RGS9: variants seen among roughly 807,000 people sequenced by gnomAD.
RGS9 encodes regulator of G protein signaling 9.
Under a neutral mutation model 102.0 loss-of-function variants are expected in RGS9, and 78 were observed. The observed-to-expected ratio is 0.76, with a 90% CI of 0.64 to 0.92. The LOEUF (loss-of-function observed/expected upper bound fraction) is 0.92. Ranked by LOEUF, RGS9 falls within the 40% of genes least tolerant of loss-of-function variation. The pLI, the probability that RGS9 is intolerant of heterozygous loss-of-function variation, is 0.00. For synonymous variants in RGS9, 353 were observed against 318.6 expected (o/e 1.11, Z -1.15); for missense variants, 833 against 866.1 (o/e 0.96, Z 0.48).
intron 1 of RGS9, among the ~76,000 whole-genome samples, chr17:65,149,080 G>C (rs551197089): frequency 4.5e-4 from 68 of 151,834 alleles, no homozygotes; most frequent in African/African-American, 1.6e-3. Context: ...TCCTGCCTCA[G>C]CCTCCTGAGT....
Position 65,182,158 on chromosome 17 carries a change from C to A in RGS9, c.654+4355C>A, listed in dbSNP as rs1478931430. On this transcript the variant is annotated intron_variant, in intron 9 of 18. Transcript: ENST00000262406. Reference sequence around the variant, plus strand: ...CTTTTGGTAAAAGGCAGAAATATGGCCTCCCAGTATAAAATACTGTGCTCT... The same window carrying A: ...CTTTTGGTAAAAGGCAGAAATATGGACTCCCAGTATAAAATACTGTGCTCT... Among the ~76,000 whole-genome samples the A allele has an allele frequency of 2.0e-5, 3 of 152,218 alleles. No homozygotes were observed. The South Asian group carries it at 6.2e-4, about 32-fold the overall frequency.
chr17:65,181,566 C>G (rs757963007), intron 9 of RGS9, among the ~76,000 whole-genome samples: 1 of 152,216 alleles, frequency 6.6e-6, no homozygotes. Context: ...AGTGAGTCCT[C>G]TTTTAGCTCC....
intron 8 of RGS9, among the ~76,000 whole-genome samples, chr17:65,176,560 C>T (rs778017476): frequency 1.3e-5 from 2 of 152,182 alleles, no homozygotes; most frequent in Non-Finnish European, 2.9e-5. Flanking sequence ...TCACTTTTCC[C>T]GCCAAGCCCA....
At chr17:65,195,952 C>T (rs1211507660) in intron 12 of RGS9, among the ~76,000 whole-genome samples, 1 of 152,238 alleles carries the variant, frequency 6.6e-6, no homozygotes, top group Non-Finnish European at 1.5e-5. Context: ...CCTACTGAAT[C>T]AGAAACTCTG....
intron 6 of RGS9, among the ~76,000 whole-genome samples, chr17:65,161,490 G>C (rs1024675592): frequency 3.9e-5 from 6 of 152,110 alleles, no homozygotes; most frequent in Admixed American, 1.3e-4. Flanking sequence ...GACCTCAAGT[G>C]ATCTGCCTGC....
At position 65,191,211 on chromosome 17, in the gene RGS9, A is replaced by G. The variant is rs76620463; in HGVS notation, c.746+975A>G. 5.6e-3 allele frequency among the ~76,000 whole-genome samples: 859 copies of G among 152,262 alleles called. 7 individuals are homozygous for G. Among genetic ancestry groups the G allele is most frequent in the African/African-American group, 0.02 (821 of 41,538 alleles). On this transcript the variant is annotated intron_variant, in intron 11 of 18. Coordinates refer to ENST00000262406, the MANE Select transcript of RGS9 (RefSeq NM_003835.4). Reference sequence around the variant, plus strand: ...TTCAGTGATAAACTCAAAACCATTTACTTCCGTGTTCCATAAACCCAGTTT... The same window carrying G: ...TTCAGTGATAAACTCAAAACCATTTGCTTCCGTGTTCCATAAACCCAGTTT...
rs1410011285 is a variant in RGS9 at position 65,225,361 on chromosome 17, C to T, written c.1767C>T (p.Gly589=). ...CCTTCAGCAGGTTTCTGAGACGAGG[C>T]TGTCTGGCCTCACCTGTCTTTGCCA... The part of the protein sequence containing the change: ...ALSFSRFLRR[G]CLASPVFARL... The change falls in exon 18 of 19, where the codon GGC becomes GGT. Residue 589 remains glycine (G), a synonymous_variant. Transcript: ENST00000262406. The T allele has an allele frequency of 1.2e-6, 2 of 1,611,854 alleles. No individual in the cohort carries two copies. Among genetic ancestry groups the T allele is most frequent in the Non-Finnish European group, 8.5e-7 (1 of 1,180,018 alleles).
At chr17:65,186,136 C>T (rs905470443) in intron 9 of RGS9, among the ~76,000 whole-genome samples, 3 of 151,868 alleles carry the variant, frequency 2.0e-5, no homozygotes, top group Admixed American at 2.0e-4. Flanking sequence ...TCTTGCGTTA[C>T]GGCTCTAGTT....
chr17:65,142,073 G>A, intron 1 of RGS9, among the ~76,000 whole-genome samples: 1 of 152,146 alleles, frequency 6.6e-6, no homozygotes, highest in East Asian at 1.9e-4. Flanking sequence ...TGGCTAACAT[G>A]GTGAAACCAA....
chr17:65,204,800 ACAGAACTTTATGCTCAAAGACAG>A lies in RGS9; in HGVS notation c.1203+501_1203+523del, dbSNP rs1912987551. Among the ~76,000 whole-genome samples, 3 of 152,184 alleles carry A rather than the reference ACAGAACTTTATGCTCAAAGACAG, an allele frequency of 2.0e-5. No homozygotes were observed. In the South Asian group the frequency reaches 6.2e-4, roughly 32 times the overall value. On this transcript the variant is annotated intron_variant, in intron 15 of 18. Coordinates refer to ENST00000262406, the MANE Select transcript of RGS9 (RefSeq NM_003835.4). Reference sequence around the variant, plus strand: ...ACAAGGTGCAGTCGCTGTGCGAAACACAGAACTTTATGCTCAAAGACAGCCCACAAGTTAGGCTTTGCTGCTCC... The same window carrying A: ...ACAAGGTGCAGTCGCTGTGCGAAACACCCACAAGTTAGGCTTTGCTGCTCC...
chr17:65,199,642 C>T (rs187668245), intron 13 of RGS9, among the ~76,000 whole-genome samples: 4 of 151,676 alleles, frequency 2.6e-5, no homozygotes, highest in East Asian at 1.9e-4. Context: ...TACAGGCGCC[C>T]GCCACCATGC....
chr17:65,206,599 C>T (rs1295004427), intron 15 of RGS9, among the ~76,000 whole-genome samples: 4 of 152,152 alleles, frequency 2.6e-5, no homozygotes, highest in African/African-American at 9.7e-5. Flanking sequence ...ATCACTTGAA[C>T]CTGGGAGGTG....
At chr17:65,171,374 G>A (rs757025858) in intron 8 of RGS9, among the ~76,000 whole-genome samples, 3 of 152,210 alleles carry the variant, frequency 2.0e-5, no homozygotes, top group African/African-American at 7.2e-5. Context: ...TATTCAGATG[G>A]AGAAATTGAG....
At chr17:65,160,681 A>G in intron 5 of RGS9, 94 bp downstream of exon 5, 1 of 1,482,000 alleles carries the variant, frequency 6.7e-7, no homozygotes, top group South Asian at 1.2e-5. Context: ...TGCTGTCATC[A>G]TGACCTTTCT....
At chr17:65,196,132 G>A (rs1912575427) in intron 12 of RGS9, among the ~76,000 whole-genome samples, 1 of 152,270 alleles carries the variant, frequency 6.6e-6, no homozygotes, top group South Asian at 2.1e-4. Flanking sequence ...AGATGGGATA[G>A]TAATACTCAA....
chr17:65,206,539 G>A (rs148180262), intron 15 of RGS9, among the ~76,000 whole-genome samples: 10,095 of 152,180 alleles, frequency 0.066, 441 homozygotes, highest in Middle Eastern at 0.13. Flanking sequence ...TTAGCTGGGC[G>A]TGGTGGTGGA....
rs536107381 is a variant in RGS9, at chr17:65,227,540, G to C, written c.*133G>C. 5 of 1,245,814 alleles carry C rather than the reference G, an allele frequency of 4.0e-6. No homozygotes were observed. The South Asian group carries it at 5.2e-5, about 13-fold the overall frequency. The allele number at this position is 1,245,814 out of a possible 1,614,324, so 77.2% of individuals were successfully genotyped here. Reference sequence around the variant, plus strand: ...TGACATTTGAAGATTGGGGAGACAAGATGGGGTAGATTGTGGCAAAGAATG... The same window carrying C: ...TGACATTTGAAGATTGGGGAGACAACATGGGGTAGATTGTGGCAAAGAATG... On this transcript the variant is annotated 3_prime_UTR_variant, in exon 19 of 19. Transcript: ENST00000262406.
chr17:65,169,478 C>T (rs1911323661), intron 8 of RGS9, among the ~76,000 whole-genome samples: 1 of 152,154 alleles, frequency 6.6e-6, no homozygotes, highest in Non-Finnish European at 1.5e-5. Flanking sequence ...CCTCACATTG[C>T]TCGTGTGTTC....
At chr17:65,160,810 T>C (rs1567865492) in intron 5 of RGS9, 41 bp from the exon 6 acceptor site, 3 of 1,603,936 alleles carry the variant, frequency 1.9e-6, no homozygotes, top group South Asian at 1.1e-5. Flanking sequence ...GATGGGGTTT[T>C]GAAAGATGAT....
Sources: gnomAD v4.1 joint callset for allele counts (sites outside exome capture counted in the v4.1 genomes callset) on GRCh38, gnomAD v4.1.1 for gene constraint, MANE v1.5 for transcripts, NCBI Gene and HGNC (gene_info 2026-07-23, HGNC 2026-07-21) for gene names.